The following SPOCD1 variants were observed in gnomAD, a reference collection of about 807,000 sequenced individuals.
The protein encoded by SPOCD1 is SPOC domain-containing protein 1.
In SPOCD1, 64 loss-of-function variants were observed where a neutral mutation model predicts 92.2. The observed-to-expected ratio is 0.69, with a 90% CI of 0.57 to 0.86. SPOCD1 has a LOEUF of 0.86. Among genes scored for constraint, SPOCD1 ranks in the 40% least tolerant of loss-of-function variants. The pLI is 0.00. For synonymous variants in SPOCD1, 578 were observed against 619.3 expected (o/e 0.93, Z 0.99); for missense variants, 1,360 against 1,543.1 (o/e 0.88, Z 1.99).
At chr1:31,794,279 G>GAAAA in intron 10 of SPOCD1, 44 bp from the exon 11 acceptor site, 1 of 1,534,852 alleles carries the variant, frequency 6.5e-7, no homozygotes, top group Non-Finnish European at 8.9e-7. Context: ...ACGTGGCTGG[G>GAAAA]GGTGCCCGGA....
chr1:31,790,748 G>A lies in SPOCD1; in HGVS notation c.3506C>T (p.Pro1169Leu). 6.4e-7 allele frequency: 1 copy of A among 1,552,116 alleles called. No homozygotes were observed. The highest frequency in any genetic ancestry group is 8.7e-7 in the Non-Finnish European group (1 of 1,147,176). Residue 1169 changes from proline to leucine, a missense_variant, in exon 16 of 16, where the codon CCC becomes CTC. Pro to Leu is a moderately conservative substitution (Grantham distance 98, BLOSUM62 -3). Coordinates refer to ENST00000360482, the MANE Select transcript of SPOCD1 (RefSeq NM_144569.7). ...GCGGGGGATGGAGCTCTTGGTCTGG[G>A]GGCACAGTAAGGCTTGGAGCTGGTG... is the stretch of plus-strand genomic sequence containing the variant. ...MSHQLQALLC[P>L]QTKSSIPRPL...
chr1:31,800,037 G>A lies in SPOCD1; in HGVS notation c.1707C>T (p.Ser569=). ...TTGCCTGGGAACATGCAGGGTCCGA[G>A]CTGGGGTCGCCAAGGGCCAGGGAAC... ...RSGSLALGDP[S]SDPACSQSGP... The change falls in exon 5 of 16, where the codon AGC becomes AGT. Residue 569 remains serine (S), a synonymous_variant. Coordinates refer to ENST00000360482, the MANE Select transcript of SPOCD1 (RefSeq NM_144569.7). The A allele has an allele frequency of 6.2e-7, 1 of 1,611,660 alleles. No individual in the cohort carries two copies. The highest frequency in any genetic ancestry group is 8.5e-7 in the Non-Finnish European group (1 of 1,179,044).
At position 31,812,356 on chromosome 1, in the gene SPOCD1, C is replaced by T. The variant is rs1045039082; in HGVS notation, c.1383+1595G>A. 2.6e-5 allele frequency among the ~76,000 whole-genome samples: 4 copies of T among 152,300 alleles called. No homozygotes were observed. The East Asian group carries it at 7.7e-4, about 29-fold the overall frequency. On this transcript the variant is annotated intron_variant, in intron 2 of 15. Coordinates refer to ENST00000360482, the MANE Select transcript of SPOCD1 (RefSeq NM_144569.7). ...AGTCCCAGCCCTCATCCCGACAGCG[C>T]CTGTGCCTGCGACAAATACATCCAT...
In SPOCD1 at chr1:31,798,829, T is replaced by C. The variant is rs1648220031; in HGVS notation, c.1869-228A>G. ...TGGGGCTCAGGGAAAATAAGAGGCTTACTCACAACTGTGTAATTAGTGGCA... is the reference window on the plus strand; with the variant it reads ...TGGGGCTCAGGGAAAATAAGAGGCTCACTCACAACTGTGTAATTAGTGGCA... On this transcript the variant is annotated intron_variant, in intron 7 of 15. Transcript: ENST00000360482. This position sits in a 1 kb window ranked among gnomAD's most constrained non-coding sequence, Gnocchi z 4.1. 2 of 594,684 alleles carry C rather than the reference T, an allele frequency of 3.4e-6. No homozygotes were observed. Among genetic ancestry groups the C allele is most frequent in the Non-Finnish European group, 6.0e-6 (2 of 335,386 alleles). 36.8% of individuals were successfully genotyped at this position (594,684 alleles called of 1,614,324 possible).
chr1:31,791,408 G>C, intron 15 of SPOCD1, 117 bp from the exon 16 acceptor site: 1 of 798,054 alleles, frequency 1.3e-6, no homozygotes, highest in Middle Eastern at 2.6e-4. Flanking sequence ...AAGTAGGAAG[G>C]TGGGGCTGTC....
At chr1:31,810,703 TCTCA>T (rs1213063842) in intron 2 of SPOCD1, among the ~76,000 whole-genome samples, 1 of 152,176 alleles carries the variant, frequency 6.6e-6, no homozygotes, top group Non-Finnish European at 1.5e-5. Context: ...TACTTGAAGC[TCTCA>T]GTCTATAGTA....
chr1:31,799,664 C>T lies in SPOCD1; in HGVS notation c.1783+145G>A, dbSNP rs1451803070. The T allele has an allele frequency of 3.4e-6, 4 of 1,181,080 alleles. No homozygotes were observed. In the African/African-American group the frequency reaches 4.6e-5, roughly 14 times the overall value. 73.2% of individuals were successfully genotyped at this position (1,181,080 alleles called of 1,614,324 possible). On this transcript the variant is annotated intron_variant, in intron 6 of 15. Coordinates refer to ENST00000360482, the MANE Select transcript of SPOCD1 (RefSeq NM_144569.7). Reference sequence around the variant, plus strand: ...AGCCAGTGGCCCCCACCCCTTCCCCCACCCCTTTGGGGAGGAGCTATAGGC... The same window carrying T: ...AGCCAGTGGCCCCCACCCCTTCCCCTACCCCTTTGGGGAGGAGCTATAGGC...
Position 31,801,653 on chromosome 1 carries a change from TA to T in SPOCD1, c.1425+10del, listed in dbSNP as rs1456398120. 21 of 1,613,090 alleles carry T rather than the reference TA, an allele frequency of 1.3e-5. No homozygotes were observed. The highest frequency in any genetic ancestry group is 1.8e-5 in the Non-Finnish European group (21 of 1,179,228). ...GAGAAAGAAAAGCAATAATAAAATG[TA>T]AAAACCTACGTAGCACACAAGCTTC... On this transcript the variant is annotated intron_variant, in intron 3 of 15. Coordinates refer to ENST00000360482, the MANE Select transcript of SPOCD1 (RefSeq NM_144569.7).
rs1649437453 is a variant in SPOCD1, at chr1:31,814,719, T to C, written c.615A>G (p.Val205=). 1 of 1,610,334 alleles carries C rather than the reference T, an allele frequency of 6.2e-7. No homozygotes were observed. Among genetic ancestry groups the C allele is most frequent in the South Asian group, 1.1e-5 (1 of 90,652 alleles). ...CCCCTTGCCTCCTCCATTTCTTTCT[T>C]ACCCTCACAGGGACTGGGTCTGGTG... is the stretch of plus-strand genomic sequence containing the variant. The part of the protein sequence containing the change: ...TSSPDPVPVR[V]RKKWRRQGAH... Residue 205 remains valine (V), a synonymous_variant, in exon 2 of 16, where the codon GTA becomes GTG. Transcript: ENST00000360482. The surrounding 1 kb of genome is among the most constrained non-coding windows in gnomAD (Gnocchi z 4.2).
chr1:31,805,755 G>A (rs1392989037), intron 2 of SPOCD1, among the ~76,000 whole-genome samples: 1 of 151,778 alleles, frequency 6.6e-6, no homozygotes, highest in Admixed American at 6.6e-5. Context: ...AATGGTAGGA[G>A]TAGATGTAAA....
At chr1:31,802,439 G>C (rs759070039) in intron 2 of SPOCD1, among the ~76,000 whole-genome samples, 7 of 152,172 alleles carry the variant, frequency 4.6e-5, no homozygotes, top group Non-Finnish European at 1.0e-4. Flanking sequence ...CTAAGCTGCA[G>C]AGCTAGTATT....
chr1:31,791,707 G>A (rs1174826164), intron 15 of SPOCD1, among the ~76,000 whole-genome samples: 1 of 152,220 alleles, frequency 6.6e-6, no homozygotes. Context: ...ACAGTCAAGT[G>A]TGTGTAGGTC....
chr1:31,806,879 C>CT (rs549642394), intron 2 of SPOCD1, among the ~76,000 whole-genome samples: 1 of 151,838 alleles, frequency 6.6e-6, no homozygotes, highest in South Asian at 2.1e-4. Context: ...GAAATGTTTA[C>CT]TTTTTTTTGT....
intron 10 of SPOCD1, 26 bp from the exon 11 acceptor site, chr1:31,794,261 G>A (rs765366009): frequency 3.2e-6 from 5 of 1,581,658 alleles, no homozygotes; most frequent in Non-Finnish European, 4.3e-6. Context: ...CAGAGGGGCA[G>A]GCTGAAAACG....
chr1:31,794,292 C>A, intron 10 of SPOCD1, 57 bp from the exon 11 acceptor site: 1 of 1,365,210 alleles, frequency 7.3e-7, no homozygotes. Flanking sequence ...TGCCCGGAGG[C>A]CTCCATGGGT....
At chr1:31,797,225 C>A (rs899243365) in intron 9 of SPOCD1, among the ~76,000 whole-genome samples, 9 of 152,184 alleles carry the variant, frequency 5.9e-5, no homozygotes. Context: ...GTCTTACTGT[C>A]GATCAATGTC....
rs1435503992 is a variant in SPOCD1, at chr1:31,814,324, G to A, written c.1010C>T (p.Ser337Phe). Residue 337 changes from serine (S) to phenylalanine (F), a missense_variant, in exon 2 of 16, where the codon TCT becomes TTT. Ser to Phe is a radical substitution (Grantham distance 155). Transcript: ENST00000360482. This position sits in a 1 kb window ranked among gnomAD's most constrained non-coding sequence, Gnocchi z 4.2. The part of the protein sequence containing the change: ...ALCLGASAQA[S>F]AEQQEAVCVV... ...ACACACAGCTTCTTGCTGCTCTGCAGAGGCCTGTGCTGACGCCCCCAGGCA... is the reference window on the plus strand; with the variant it reads ...ACACACAGCTTCTTGCTGCTCTGCAAAGGCCTGTGCTGACGCCCCCAGGCA... 1.3e-6 allele frequency: 2 copies of A among 1,577,588 alleles called. No homozygotes were observed. The highest frequency in any genetic ancestry group is 1.1e-5 in the South Asian group (1 of 87,258).
At chr1:31,805,073 C>G (rs1648731132) in intron 2 of SPOCD1, among the ~76,000 whole-genome samples, 1 of 149,656 alleles carries the variant, frequency 6.7e-6, no homozygotes, top group African/African-American at 2.5e-5. Context: ...CCTCCACTTC[C>G]CGGGTTCAAG....
At chr1:31,800,241 C>T in intron 4 of SPOCD1, 100 bp from the exon 5 acceptor site, 1 of 1,509,682 alleles carries the variant, frequency 6.6e-7, no homozygotes, top group Non-Finnish European at 8.8e-7. Flanking sequence ...TCCTCCAGTC[C>T]ACCCTGAATT....
Sources: gnomAD v4.1 joint callset for allele counts (sites outside exome capture counted in the v4.1 genomes callset) on GRCh38, gnomAD v4.1.1 for gene constraint, Gnocchi (gnomAD v3.1) non-coding constraint, MANE v1.5 for transcripts, NCBI Gene and HGNC (gene_info 2026-07-23, HGNC 2026-07-21) for gene names.